The following RFX3 variants were observed in gnomAD, a reference collection of about 807,000 sequenced individuals.
RFX3 encodes the protein transcription factor RFX3.
In RFX3, 14 loss-of-function variants were observed where a neutral mutation model predicts 98.6. The ratio of observed to expected loss-of-function variants is 0.14; its 90% CI spans 0.09 to 0.22. RFX3 has a LOEUF of 0.22. RFX3 is among the 10% of genes least tolerant of loss of function. The probability of loss-of-function intolerance (pLI) is 1.00; values close to 1 mark genes in which losing one functional copy is unlikely to be tolerated. For missense variants in RFX3, 639 were observed against 926.9 expected, an observed-to-expected ratio of 0.69 and a Z score of 4.03; for synonymous variants, 383 against 328.4, an observed-to-expected ratio of 1.17 and a Z score of -1.80.
intron 1 of RFX3, among the ~76,000 whole-genome samples, chr9:3,475,096 T>C (rs1849112813): frequency 7.9e-6 from 1 of 126,926 alleles, no homozygotes; most frequent in Non-Finnish European, 1.5e-5. Flanking sequence ...CAAGACCCTG[T>C]CTCCAAAAAA....
chr9:3,465,496 G>C (rs1201325364), intron 1 of RFX3, among the ~76,000 whole-genome samples: 5 of 149,324 alleles, frequency 3.3e-5, no homozygotes, highest in Non-Finnish European at 7.4e-5. Flanking sequence ...TAGAGACAGG[G>C]TCTCACCATT....
intron 4 of RFX3, among the ~76,000 whole-genome samples, chr9:3,315,567 A>G (rs1830487256): frequency 6.6e-6 from 1 of 152,220 alleles, no homozygotes; most frequent in African/African-American, 2.4e-5. Flanking sequence ...AACCCTTCAA[A>G]AAATCAATGA....
At chr9:3,283,555 A>C (rs1826191035) in intron 7 of RFX3, among the ~76,000 whole-genome samples, 1 of 151,724 alleles carries the variant, frequency 6.6e-6, no homozygotes, top group South Asian at 2.1e-4. Flanking sequence ...AGGCCATCTA[A>C]TGATAAAAGT....
At chr9:3,450,827 C>A (rs1304574437) in intron 1 of RFX3, among the ~76,000 whole-genome samples, 1 of 152,148 alleles carries the variant, frequency 6.6e-6, no homozygotes, top group African/African-American at 2.4e-5. Context: ...TCATTCCATT[C>A]AATCCAGTGA....
rs573991785 is a variant in RFX3, at chr9:3,308,632, G to A, written c.475-7012C>T. ...AAGATCTCTTTGCAAGATGTCATAC[G>A]ACAAAGTGCTATGGAACATAAATAG... On this transcript the variant is annotated intron_variant, in intron 4 of 16. Transcript: ENST00000617270. 3.3e-5 allele frequency among the ~76,000 whole-genome samples: 5 copies of A among 152,226 alleles called. No individual in the cohort carries two copies. In the East Asian group the frequency reaches 7.7e-4, roughly 24 times the overall value.
At chr9:3,504,710 T>C (rs933223632) in intron 1 of RFX3, among the ~76,000 whole-genome samples, 10 of 128,808 alleles carry the variant, frequency 7.8e-5, no homozygotes, top group South Asian at 2.3e-4. Flanking sequence ...GTATATATTG[T>C]ATATAAAATA....
rs57885986 is a variant in RFX3, at chr9:3,375,960, C to CA, written c.117+19511dup. On this transcript the variant is annotated intron_variant, in intron 2 of 16. Transcript: ENST00000617270. ...GGGTGACAGAGCGAGACTCCATCTC[C>CA]AAAAAAAAAAAATTATACACAAATT... 6.1e-3 allele frequency among the ~76,000 whole-genome samples: 820 copies of CA among 135,274 alleles called. 8 individuals are homozygous for CA. The highest frequency in any genetic ancestry group is 0.019 in the African/African-American group (701 of 36,998). 88.7% of individuals were successfully genotyped at this position (135,274 alleles called of 152,430 possible). A position where few individuals can be genotyped will look rare whatever the true frequency, so the allele number is the denominator to read the frequency against.
At chr9:3,405,201 A>T (rs1841845932) in intron 1 of RFX3, among the ~76,000 whole-genome samples, 2 of 152,094 alleles carry the variant, frequency 1.3e-5, no homozygotes, top group African/African-American at 4.8e-5. Context: ...CCCTTTGAAC[A>T]GAAAAAAAAA....
At chr9:3,370,186 TAAAAAAA>T (rs34364552) in intron 2 of RFX3, among the ~76,000 whole-genome samples, 1 of 135,558 alleles carries the variant, frequency 7.4e-6, no homozygotes, top group Non-Finnish European at 1.6e-5. Context: ...TTCAAATTAT[TAAAAAAA>T]AAAAAAAAAT....
intron 1 of RFX3, among the ~76,000 whole-genome samples, chr9:3,515,034 T>C (rs2133868643): frequency 6.6e-6 from 1 of 152,318 alleles, no homozygotes; most frequent in Non-Finnish European, 1.5e-5. Context: ...ATGTGACAGA[T>C]TTTACTCTTT....
chr9:3,337,896 G>A (rs1833374624), intron 3 of RFX3, among the ~76,000 whole-genome samples: 1 of 152,144 alleles, frequency 6.6e-6, no homozygotes, highest in African/African-American at 2.4e-5. Flanking sequence ...CCAATACCCT[G>A]CAAAGAAGTA....
At chr9:3,286,419 T>C (rs951755115) in intron 7 of RFX3, among the ~76,000 whole-genome samples, 7 of 151,950 alleles carry the variant, frequency 4.6e-5, no homozygotes, top group East Asian at 1.9e-4. Flanking sequence ...AAAAATAAGA[T>C]TGAGAATCTG....
chr9:3,443,342 G>A (rs961250785), intron 1 of RFX3, among the ~76,000 whole-genome samples: 4 of 152,208 alleles, frequency 2.6e-5, no homozygotes, highest in African/African-American at 9.6e-5. Flanking sequence ...TCTTCCTGAT[G>A]CCCTGCCTCC....
intron 14 of RFX3, among the ~76,000 whole-genome samples, chr9:3,248,412 C>T (rs1010153307): frequency 3.3e-5 from 5 of 152,090 alleles, no homozygotes; most frequent in Admixed American, 6.6e-5. Context: ...GATAGATAGT[C>T]TTAATGGAAA....
intron 1 of RFX3, among the ~76,000 whole-genome samples, chr9:3,445,984 C>T (rs1386528169): frequency 6.6e-6 from 1 of 152,080 alleles, no homozygotes; most frequent in Non-Finnish European, 1.5e-5. Flanking sequence ...TTTACATGTA[C>T]ACCACTCTAT....
At chr9:3,385,865 T>A (rs1839662781) in intron 2 of RFX3, among the ~76,000 whole-genome samples, 1 of 152,130 alleles carries the variant, frequency 6.6e-6, no homozygotes, top group Non-Finnish European at 1.5e-5. Flanking sequence ...CCTAATTTCC[T>A]AAAGTCTTAT....
At chr9:3,387,872 A>C (rs1278473424) in intron 2 of RFX3, among the ~76,000 whole-genome samples, 2 of 152,144 alleles carry the variant, frequency 1.3e-5, no homozygotes, top group African/African-American at 4.8e-5. Context: ...GATTCACAGA[A>C]AGCAAACCTC....
chr9:3,289,627 G>A (rs1827080330), intron 6 of RFX3, among the ~76,000 whole-genome samples: 1 of 152,082 alleles, frequency 6.6e-6, no homozygotes, highest in South Asian at 2.1e-4. Flanking sequence ...AATAGATGGA[G>A]TGCTGAGTTT....
chr9:3,340,052 A>C (rs199618558), intron 3 of RFX3, among the ~76,000 whole-genome samples: 3 of 152,150 alleles, frequency 2.0e-5, no homozygotes, highest in South Asian at 2.1e-4. Flanking sequence ...CACCAAAACA[A>C]AGATATAGAC....
Sources: allele counts gnomAD v4.1 joint callset (sites outside exome capture counted in the v4.1 genomes callset), GRCh38; gene constraint gnomAD v4.1.1; transcripts MANE v1.5; gene names NCBI Gene and HGNC (gene_info 2026-07-23, HGNC 2026-07-21).